Variants in TGFBRAP1 observed in about 807,000 individuals in gnomAD.
TGFBRAP1 encodes the protein transforming growth factor-beta receptor-associated protein 1.
In TGFBRAP1, 20 loss-of-function variants were observed where a neutral mutation model predicts 83.2. The observed-to-expected ratio is 0.24, with a 90% confidence interval of 0.17 to 0.35. The LOEUF is 0.35. Among genes scored for constraint, TGFBRAP1 ranks in the 10% least tolerant of loss-of-function variants. The pLI, the probability that TGFBRAP1 is intolerant of heterozygous loss-of-function variation, is 1.00. For synonymous variants in TGFBRAP1, 415 were observed against 459.8 expected, an observed-to-expected ratio of 0.90 and a Z score of 1.25; for missense variants, 950 against 1,099.4, an observed-to-expected ratio of 0.86 and a Z score of 1.92.
downstream of TGFBRAP1, among the ~76,000 whole-genome samples, chr2:105,261,084 G>A (rs771773830): frequency 1.3e-4 from 20 of 152,196 alleles, no homozygotes; most frequent in Middle Eastern, 3.2e-3. Context: ...ATAGCTGCCT[G>A]TAAGTCAGCA....
At chr2:105,250,359 G>T in the TGFBRAP1 span, among the ~76,000 whole-genome samples, 1 of 152,126 alleles carries the variant, frequency 6.6e-6, no homozygotes, top group East Asian at 1.9e-4. Context: ...TTCCATCTCC[G>T]TTCTCTCTGC....
At chr2:105,294,937 C>T (rs1343834579) in intron 4 of TGFBRAP1, among the ~76,000 whole-genome samples, 2 of 152,136 alleles carry the variant, frequency 1.3e-5, no homozygotes, top group African/African-American at 2.4e-5. Context: ...ACACATCCAC[C>T]GAGAGCAGCT....
intron 5 of TGFBRAP1, 111 bp from the exon 6 acceptor site, chr2:105,280,834 G>C (rs1484757508): frequency 8.5e-7 from 1 of 1,178,204 alleles, no homozygotes; most frequent in Admixed American, 2.5e-5. Flanking sequence ...CAGGGGGCTG[G>C]GGAGCTGGGG....
intron 4 of TGFBRAP1, among the ~76,000 whole-genome samples, chr2:105,289,341 A>ATT (rs959180814): frequency 6.6e-6 from 1 of 152,102 alleles, no homozygotes; most frequent in Non-Finnish European, 1.5e-5. Context: ...ACATGCATGT[A>ATT]TTTTTTTCTC....
At chr2:105,280,033 G>A (rs546819795) in intron 6 of TGFBRAP1, among the ~76,000 whole-genome samples, 31 of 149,018 alleles carry the variant, frequency 2.1e-4, no homozygotes, top group African/African-American at 5.2e-4. Flanking sequence ...GCGAGACTCC[G>A]TCTCAAAAAA....
rs560120895 is a variant in TGFBRAP1, at chr2:105,327,910, T to A, written c.-18+1715A>T. Among the ~76,000 whole-genome samples the A allele has an allele frequency of 4.6e-5, 7 of 152,352 alleles. No homozygotes were observed. In the South Asian group the frequency reaches 1.2e-3, roughly 27 times the overall value. Reference sequence around the variant, plus strand: ...TGCAAACCTTGATGCACATAGCAAATTGGAATTCAGAACCCACAAGTCTAA... The same window carrying A: ...TGCAAACCTTGATGCACATAGCAAAATGGAATTCAGAACCCACAAGTCTAA... On this transcript the variant is annotated intron_variant, in intron 1 of 11. Coordinates refer to ENST00000393359, the MANE Select transcript of TGFBRAP1 (RefSeq NM_004257.6).
In TGFBRAP1 at chr2:105,269,586, C is replaced by A. The variant is rs1463030148; in HGVS notation, c.2092G>T (p.Asp698Tyr). The A allele has an allele frequency of 1.9e-6, 3 of 1,610,484 alleles. No individual in the cohort carries two copies. The highest frequency in any genetic ancestry group is 1.7e-5 in the Admixed American group (1 of 59,862). Residue 698 changes from aspartate (D) to tyrosine (Y), a missense_variant, in exon 11 of 12, where the codon GAC (aspartate) becomes TAC (tyrosine). Asp to Tyr is a radical substitution (Grantham distance 160). Transcript: ENST00000393359. The surrounding 1 kb of genome is among the most constrained non-coding windows in gnomAD (Gnocchi z 4.1). Reference protein sequence around the residue: ...HELQDFAAAEDYCLWCSEGRD... With the variant: ...HELQDFAAAEYYCLWCSEGRD... The stretch of plus-strand genomic sequence containing the variant: ...CCCTCGGAGCACCACAGGCAGTAGT[C>A]CTCGGCCGCTGCAAAGTCCTGCAGC...
rs138578547 is a variant in TGFBRAP1, at chr2:105,272,999, T to C, written c.1828A>G (p.Thr610Ala). The C allele has an allele frequency of 1.1e-5, 18 of 1,611,118 alleles. No individual in the cohort carries two copies. Among genetic ancestry groups the C allele is most frequent in the African/African-American group, 8.0e-5 (6 of 74,594 alleles). ...DKRLQKEEYH[T>A]HLAVLYLEEV... ...TCCAGGTACAGCACAGCTAAGTGGG[T>C]GTGATACTCTTCTTTCTGCAGGAAA... Residue 610 changes from threonine (T) to alanine (A), a missense_variant, in exon 10 of 12, where the codon ACC becomes GCC. Physicochemically the swap from Thr to Ala is moderately conservative, Grantham distance 58. Coordinates refer to ENST00000393359, the MANE Select transcript of TGFBRAP1 (RefSeq NM_004257.6).
intron 3 of TGFBRAP1, among the ~76,000 whole-genome samples, chr2:105,297,428 A>G (rs1678124270): frequency 6.6e-6 from 1 of 152,138 alleles, no homozygotes; most frequent in African/African-American, 2.4e-5. Context: ...ACCGCACCAC[A>G]ACACTGCTCT....
chr2:105,261,985 G>A (rs1030188029), downstream of TGFBRAP1, among the ~76,000 whole-genome samples: 4 of 152,134 alleles, frequency 2.6e-5, no homozygotes, highest in Non-Finnish European at 4.4e-5. Flanking sequence ...GTGTGCATGA[G>A]TCCCTGTGCT....
At chr2:105,299,005 G>C (rs573795341) in intron 2 of TGFBRAP1, among the ~76,000 whole-genome samples, 5 of 152,274 alleles carry the variant, frequency 3.3e-5, no homozygotes, top group African/African-American at 9.6e-5. Context: ...TAGGCCGGAC[G>C]TGGTGGCTCA....
chr2:105,295,121 G>T (rs1181030778), intron 4 of TGFBRAP1, among the ~76,000 whole-genome samples: 1 of 152,212 alleles, frequency 6.6e-6, no homozygotes, highest in Non-Finnish European at 1.5e-5. Flanking sequence ...TCAAAAGTTA[G>T]CAACAAAGAT....
At chr2:105,313,396 G>A (rs1035546130) in intron 1 of TGFBRAP1, among the ~76,000 whole-genome samples, 1 of 152,182 alleles carries the variant, frequency 6.6e-6, no homozygotes, top group African/African-American at 2.4e-5. Context: ...ACAGAGCACT[G>A]GCTACATTCT....
At chr2:105,284,165 G>T in intron 5 of TGFBRAP1, 151 bp downstream of exon 5, 1 of 661,590 alleles carries the variant, frequency 1.5e-6, no homozygotes, top group Non-Finnish European at 2.7e-6. Flanking sequence ...AGCATTGGCG[G>T]GGTCTGCTGT....
At chr2:105,311,261 AGCCTT>A (rs1291859571) in intron 1 of TGFBRAP1, among the ~76,000 whole-genome samples, 1 of 152,182 alleles carries the variant, frequency 6.6e-6, no homozygotes, top group Non-Finnish European at 1.5e-5. Flanking sequence ...CTGTTATTCA[AGCCTT>A]GCTAAAGATA....
intron 2 of TGFBRAP1, among the ~76,000 whole-genome samples, chr2:105,302,322 C>A (rs1678327151): frequency 6.6e-6 from 1 of 152,112 alleles, no homozygotes; most frequent in Non-Finnish European, 1.5e-5. Flanking sequence ...ACTCTGCTAT[C>A]TCATCTCTAG....
Position 105,307,926 on chromosome 2 carries a change from C to T in TGFBRAP1, c.376G>A (p.Glu126Lys), listed in dbSNP as rs755702142. 10 of 1,614,120 alleles carry T rather than the reference C, an allele frequency of 6.2e-6. No homozygotes were observed. Among genetic ancestry groups the T allele is most frequent in the Non-Finnish European group, 7.6e-6 (9 of 1,180,054 alleles). Residue 126 changes from glutamate (E) to lysine (K), a missense_variant, in exon 2 of 12, where the codon GAG becomes AAG. Transcript: ENST00000393359. ...IKGAATFALN[E>K]NPVSGDPFCV... ...AAGGGGTCCCCACTCACAGGGTTCTCGTTCAGTGCAAACGTGGCTGCCCCC... is the reference window on the plus strand; with the variant it reads ...AAGGGGTCCCCACTCACAGGGTTCTTGTTCAGTGCAAACGTGGCTGCCCCC...
At chr2:105,316,180 G>T (rs1678847020) in intron 1 of TGFBRAP1, among the ~76,000 whole-genome samples, 1 of 152,182 alleles carries the variant, frequency 6.6e-6, no homozygotes, top group Non-Finnish European at 1.5e-5. Flanking sequence ...GAAGGAACTA[G>T]ATGCGTAAGT....
intron 2 of TGFBRAP1, among the ~76,000 whole-genome samples, chr2:105,302,437 T>C (rs575012580): frequency 9.2e-5 from 14 of 152,152 alleles, no homozygotes; most frequent in Admixed American, 3.3e-4. Context: ...CATCAATAGA[T>C]GGAACGCATT....
Sources: gnomAD v4.1 joint callset for allele counts (sites outside exome capture counted in the v4.1 genomes callset) on GRCh38, gnomAD v4.1.1 for gene constraint, Gnocchi (gnomAD v3.1) non-coding constraint, MANE v1.5 for transcripts, NCBI Gene and HGNC (gene_info 2026-07-23, HGNC 2026-07-21) for gene names.